VPS11: variants seen among roughly 807,000 people sequenced by gnomAD.
The protein encoded by VPS11 is VPS11 core subunit of CORVET and HOPS complexes, also known as vacuolar protein sorting-associated protein 11 homolog.
A neutral mutation model predicts 106.8 loss-of-function variants in VPS11; 51 were observed. The ratio of observed to expected loss-of-function variants is 0.48; its 90% CI spans 0.38 to 0.60. The LOEUF is 0.60. Among genes scored for constraint, VPS11 ranks in the 20% least tolerant of loss-of-function variants. VPS11 has a pLI of 0.00. For synonymous variants in VPS11, 453 were observed against 458.7 expected (o/e 0.99, Z 0.16); for missense variants, 950 against 1,190.0 (o/e 0.80, Z 2.97).
intron 4 of VPS11, among the ~76,000 whole-genome samples, chr11:119,071,043 C>T (rs1233247841): frequency 6.6e-5 from 10 of 151,934 alleles, no homozygotes; most frequent in African/African-American, 1.2e-4. Flanking sequence ...ATCCTCCCAC[C>T]TCAGCCTCCT....
At chr11:119,068,520 G>T (rs572333052) in intron 1 of VPS11, among the ~76,000 whole-genome samples, 57 of 149,474 alleles carry the variant, frequency 3.8e-4, no homozygotes, top group Non-Finnish European at 5.8e-4. Context: ...CGGGATCTGG[G>T]CTCACTGTAA....
chr11:119,074,797 C>T (rs1945539361), intron 7 of VPS11, among the ~76,000 whole-genome samples: 1 of 152,104 alleles, frequency 6.6e-6, no homozygotes, highest in African/African-American at 2.4e-5. Context: ...TATTATATGA[C>T]CAGTATGCAG....
Position 119,076,996 on chromosome 11 carries a change from A to G in VPS11, c.1338A>G (p.Gln446=), listed in dbSNP as rs1376659458. Residue 446 remains glutamine (Q), a synonymous_variant, in exon 8 of 16, where the codon CAA becomes CAG. Coordinates refer to ENST00000621676, the MANE Select transcript of VPS11 (RefSeq NM_021729.6). ...CCTACCTGCAGACCCTGCACCGACAATCCCTGGCCAATGCCGACCATACCA... is the reference window on the plus strand; with the variant it reads ...CCTACCTGCAGACCCTGCACCGACAGTCCCTGGCCAATGCCGACCATACCA... ...LTAYLQTLHR[Q]SLANADHTTL... is the part of the protein sequence containing the mutation. 8.7e-6 allele frequency: 14 copies of G among 1,613,884 alleles called. No homozygotes were observed. The highest frequency in any genetic ancestry group is 1.7e-5 in the Admixed American group (1 of 59,982).
In VPS11 at chr11:119,078,661, G is replaced by A. The variant is rs782277549; in HGVS notation, c.2020G>A (p.Asp674Asn). The A allele has an allele frequency of 1.1e-5, 17 of 1,613,482 alleles. No homozygotes were observed. The highest frequency in any genetic ancestry group is 1.3e-5 in the Non-Finnish European group (15 of 1,179,560). ...GGCCCTGGTCCTGTGCCAGATGCAC[G>A]ACTTCCAGGATGGTGTCCTTTACCT... The part of the protein sequence containing the change: ...DKALVLCQMH[D>N]FQDGVLYLYE... Residue 674 changes from aspartate (D) to asparagine (N), a missense_variant, in exon 12 of 16, where the codon GAC becomes AAC. Physicochemically the swap from Asp to Asn is conservative, Grantham distance 23. Around this residue, in one of 3 missense-constraint regions of VPS11, gnomAD observed 453 missense variants for 514.6 expected, o/e 0.88. Transcript: ENST00000621676.
At chr11:119,068,302 T>C (rs903878041) in intron 1 of VPS11, 7 of 403,000 alleles carry the variant, frequency 1.7e-5, no homozygotes, top group African/African-American at 1.2e-4. Flanking sequence ...AGAAAAAGAA[T>C]GCAAGTTGGC....
chr11:119,080,955 TAAG>T, intron 14 of VPS11, 134 bp from the exon 15 acceptor site: 2 of 752,894 alleles, frequency 2.7e-6, no homozygotes, highest in East Asian at 4.9e-5. Context: ...CTTAAGGCGA[TAAG>T]AAGAGCAGGG....
At chr11:119,068,665 C>A (rs576331480) in intron 1 of VPS11, among the ~76,000 whole-genome samples, 1 of 151,952 alleles carries the variant, frequency 6.6e-6, no homozygotes, top group African/African-American at 2.4e-5. Flanking sequence ...CCAGGCTGGT[C>A]TCGAACTCCT....
At chr11:119,068,763 T>A (rs1438056527) in intron 1 of VPS11, among the ~76,000 whole-genome samples, 5 of 148,672 alleles carry the variant, frequency 3.4e-5, no homozygotes, top group Non-Finnish European at 7.4e-5. Flanking sequence ...TTTTTTTCTT[T>A]TTTTTGAGAC....
chr11:119,071,946 C>T lies in VPS11; in HGVS notation c.884+103C>T, dbSNP rs1370998772. ...CCTGGATACTGCCAATCTCCTACTC[C>T]TACTCCGGTGTTATGTAGGTAACAT... On this transcript the variant is annotated intron_variant, in intron 5 of 15. Transcript: ENST00000621676. 7 of 1,427,392 alleles carry T rather than the reference C, an allele frequency of 4.9e-6. No individual in the cohort carries two copies. The South Asian group carries it at 8.0e-5, about 16-fold the overall frequency. The allele number at this position is 1,427,392 out of a possible 1,614,324, so 88.4% of individuals were successfully genotyped here. A position where few individuals can be genotyped will look rare whatever the true frequency, so the allele number is the denominator to read the frequency against.
At chr11:119,078,468 A>G in intron 11 of VPS11, 97 bp from the exon 12 acceptor site, 3 of 1,576,034 alleles carry the variant, frequency 1.9e-6, no homozygotes, top group Non-Finnish European at 2.6e-6. Flanking sequence ...CTCTGTGAAG[A>G]GGGAATGGAC....
intron 4 of VPS11, 120 bp downstream of exon 4, chr11:119,070,517 A>T (rs1945338587): frequency 8.9e-7 from 1 of 1,124,116 alleles, no homozygotes; most frequent in Non-Finnish European, 1.2e-6. Flanking sequence ...ATATAATTCG[A>T]ATCATTTGCC....
chr11:119,070,161 A>G (rs1381600959), intron 3 of VPS11, 73 bp from the exon 4 acceptor site: 11 of 1,476,300 alleles, frequency 7.5e-6, no homozygotes, highest in East Asian at 2.4e-5. Context: ...GAGTGCCTCA[A>G]GTGGTCTTTT....
In VPS11 at chr11:119,069,476, G is replaced by C. The variant is rs1345436183; in HGVS notation, c.371G>C (p.Gly124Ala). 6.2e-7 allele frequency: 1 copy of C among 1,613,990 alleles called. No individual in the cohort carries two copies. The highest frequency in any genetic ancestry group is 1.3e-5 in the African/African-American group (1 of 75,048). Residue 124 changes from glycine to alanine, a missense_variant, in exon 3 of 16, where the codon GGC becomes GCC. Physicochemically the swap from Gly to Ala is moderately conservative, Grantham distance 60. Around this residue, in one of 3 missense-constraint regions of VPS11, gnomAD observed 435 missense variants for 630.2 expected, o/e 0.69. Coordinates refer to ENST00000621676, the MANE Select transcript of VPS11 (RefSeq NM_021729.6). ...KIWNLEKRDG[G>A]NPLCTRIFPA... ...TGGAACCTGGAGAAGAGAGATGGTG[G>C]CAATCCACTCTGCACTCGAATCTTC...
At chr11:119,075,906 AT>A (rs1357662070) in intron 7 of VPS11, among the ~76,000 whole-genome samples, 1 of 146,150 alleles carries the variant, frequency 6.8e-6, no homozygotes, top group Non-Finnish European at 1.5e-5. Flanking sequence ...TATCAAAAAA[AT>A]AATAGTAGAT....
Position 119,078,179 on chromosome 11 carries a change from T to G in VPS11, c.1768T>G (p.Ser590Ala). Residue 590 changes from serine to alanine, a missense_variant, in exon 11 of 16, where the codon TCT (serine) becomes GCT (alanine). Physicochemically the swap from Ser to Ala is moderately conservative, Grantham distance 99 (BLOSUM62 1). Coordinates refer to ENST00000621676, the MANE Select transcript of VPS11 (RefSeq NM_021729.6). The stretch of plus-strand genomic sequence containing the variant: ...TCCTCTCTTGCCATCCTAGGCCAAC[T>G]CTGAGGAGTTCATCCCCATCTTTGC... ...DREAPGCRANSEEFIPIFANN... is the reference protein window; with the variant it reads ...DREAPGCRANAEEFIPIFANN... 1.2e-6 allele frequency: 2 copies of G among 1,613,164 alleles called. No individual in the cohort carries two copies. Among genetic ancestry groups the G allele is most frequent in the Non-Finnish European group, 1.7e-6 (2 of 1,179,860 alleles).
rs35007847 is a variant in VPS11 at position 119,070,942 on chromosome 11, T to TTTC, written c.636+545_636+546insTTC. Among the ~76,000 whole-genome samples, 166 of 141,218 alleles carry TTTC rather than the reference T, an allele frequency of 1.2e-3. 1 individual carries two copies. The highest frequency in any genetic ancestry group is 1.5e-3 in the South Asian group (7 of 4,564). The allele number at this position is 141,218 out of a possible 152,430, so 92.6% of individuals were successfully genotyped here. On this transcript the variant is annotated intron_variant, in intron 4 of 15. Transcript: ENST00000621676. ...TTCTAACTAGCTTTTTTTTTTTTTT[T>TTTC]CTTTGAGACAGGATCTTGCTGTGTA... is the stretch of plus-strand genomic sequence containing the variant.
intron 7 of VPS11, among the ~76,000 whole-genome samples, chr11:119,075,372 T>C (rs925300566): frequency 6.6e-6 from 1 of 151,744 alleles, no homozygotes; most frequent in African/African-American, 2.4e-5. Context: ...CTGAGCAACA[T>C]AGCAAGACCC....
rs2133639222 is a variant in VPS11, at chr11:119,067,863, G to C, written c.40G>C (p.Asp14His). 1.1e-4 allele frequency: 165 copies of C among 1,565,504 alleles called. No individual in the cohort carries two copies. Among genetic ancestry groups the C allele is most frequent in the Non-Finnish European group, 1.4e-4 (161 of 1,154,286 alleles). The change falls in exon 1 of 16, where the codon GAC becomes CAC. Residue 14 changes from aspartate (D) to histidine (H), a missense_variant. Asp to His is a moderately conservative substitution (Grantham distance 81). Coordinates refer to ENST00000621676, the MANE Select transcript of VPS11 (RefSeq NM_021729.6). Reference sequence around the variant, plus strand: ...GCAGTGGCGGCGCTTCGTTTTCTTCGACAAGGAGCTGGTGAAGGAGCCGCT... The same window carrying C: ...GCAGTGGCGGCGCTTCGTTTTCTTCCACAAGGAGCTGGTGAAGGAGCCGCT... Reference protein sequence around the residue: ...YLQWRRFVFFDKELVKEPLSN... With the variant: ...YLQWRRFVFFHKELVKEPLSN...
At chr11:119,075,937 A>G (rs894076706) in intron 7 of VPS11, among the ~76,000 whole-genome samples, 6 of 9,376 alleles carry the variant, frequency 6.4e-4, no homozygotes, top group African/African-American at 2.4e-3. Flanking sequence ...AATAATAAAT[A>G]AATAAATTGC....
Sources: allele counts gnomAD v4.1 joint callset (sites outside exome capture counted in the v4.1 genomes callset), GRCh38; gene constraint gnomAD v4.1.1; regional missense constraint gnomAD v4.1.1; transcripts MANE v1.5; gene names NCBI Gene and HGNC (gene_info 2026-07-23, HGNC 2026-07-21).